The following FSIP1 variants were observed in gnomAD, a reference collection of about 807,000 sequenced individuals.
FSIP1 encodes fibrous sheath-interacting protein 1.
Under a neutral mutation model 60.9 loss-of-function variants are expected in FSIP1, and 65 were observed. The observed-to-expected ratio is 1.07, with a 90% CI of 0.87 to 1.31. The LOEUF (loss-of-function observed/expected upper bound fraction) is 1.31, where lower values mean the gene tolerates loss of function less well. Ranked by LOEUF, FSIP1 falls within the 40% of genes most tolerant of loss-of-function variation. FSIP1 has a pLI of 0.00. For synonymous variants in FSIP1, 209 were observed against 221.2 expected (o/e 0.94, Z 0.49); for missense variants, 675 against 665.5 (o/e 1.01, Z -0.16).
At chr15:39,739,556 A>T in intron 7 of FSIP1, 109 bp downstream of exon 7, 1 of 1,008,770 alleles carries the variant, frequency 9.9e-7, no homozygotes, top group African/African-American at 1.7e-5. Context: ...TCAATCATTT[A>T]TACATTTATG....
Position 39,618,275 on chromosome 15 carries a change from T to A in FSIP1, c.1189-30A>T, listed in dbSNP as rs773111971. On this transcript the variant is annotated intron_variant, in intron 10 of 11. Transcript: ENST00000350221. Reference sequence around the variant, plus strand: ...TGAAACAAACCAAAAGATTACATAGTCAGTTGACTGAGTAAACACATTTAT... The same window carrying A: ...TGAAACAAACCAAAAGATTACATAGACAGTTGACTGAGTAAACACATTTAT... The A allele has an allele frequency of 4.3e-5, 67 of 1,554,614 alleles. 1 individual carries two copies. In the South Asian group the frequency reaches 7.8e-4, roughly 18 times the overall value.
intron 11 of FSIP1, among the ~76,000 whole-genome samples, chr15:39,605,359 C>T (rs920851906): frequency 6.6e-6 from 1 of 152,166 alleles, no homozygotes; most frequent in African/African-American, 2.4e-5. Flanking sequence ...CCCAGATGAT[C>T]TTGATACTCA....
At chr15:39,706,069 T>C (rs1229928440) in intron 10 of FSIP1, among the ~76,000 whole-genome samples, 5 of 152,096 alleles carry the variant, frequency 3.3e-5, no homozygotes, top group African/African-American at 1.2e-4. Context: ...ATTTTTATCA[T>C]CCTACCATAG....
At chr15:39,750,434 A>G (rs1481558469) in intron 5 of FSIP1, among the ~76,000 whole-genome samples, 1 of 152,054 alleles carries the variant, frequency 6.6e-6, no homozygotes, top group African/African-American at 2.4e-5. Flanking sequence ...TGGCATAAAA[A>G]CAGACACACA....
At chr15:39,745,152 A>G (rs1896952858) in intron 5 of FSIP1, among the ~76,000 whole-genome samples, 1 of 132,980 alleles carries the variant, frequency 7.5e-6, no homozygotes, top group Non-Finnish European at 1.6e-5. Context: ...TCCCGAACCC[A>G]GACACCATCC....
chr15:39,734,845 A>G (rs1896547808), intron 8 of FSIP1, among the ~76,000 whole-genome samples: 1 of 152,198 alleles, frequency 6.6e-6, no homozygotes, highest in African/African-American at 2.4e-5. Context: ...ACAATTAAAG[A>G]TAAAGACACA....
intron 11 of FSIP1, among the ~76,000 whole-genome samples, chr15:39,606,555 T>C (rs867190071): frequency 8.5e-5 from 13 of 152,196 alleles, no homozygotes; most frequent in Admixed American, 4.6e-4. Flanking sequence ...TTAGAACTTA[T>C]TCCTCCTATA....
chr15:39,674,786 A>AT (rs202200388), intron 10 of FSIP1, among the ~76,000 whole-genome samples: 2 of 98,560 alleles, frequency 2.0e-5, no homozygotes, highest in African/African-American at 5.4e-5. Flanking sequence ...ATAAAAAAGT[A>AT]TTTTTTAAAG....
chr15:39,697,039 A>G (rs992904944), intron 10 of FSIP1, among the ~76,000 whole-genome samples: 4 of 152,032 alleles, frequency 2.6e-5, no homozygotes, highest in African/African-American at 9.7e-5. Flanking sequence ...TTTCTTCTTT[A>G]TATTTTTCTA....
chr15:39,649,819 AC>A (rs1306970252), intron 10 of FSIP1, among the ~76,000 whole-genome samples: 1 of 152,144 alleles, frequency 6.6e-6, no homozygotes, highest in Non-Finnish European at 1.5e-5. Flanking sequence ...ACGTTCCCCA[AC>A]CTTTTCATTC....
At chr15:39,773,775 T>C (rs141664728) in intron 2 of FSIP1, among the ~76,000 whole-genome samples, 181 of 152,332 alleles carry the variant, frequency 1.2e-3, no homozygotes, top group African/African-American at 4.3e-3. Flanking sequence ...AGCTACATAC[T>C]GTATGATTCC....
chr15:39,653,672 A>G (rs909317894), intron 10 of FSIP1, among the ~76,000 whole-genome samples: 1 of 152,162 alleles, frequency 6.6e-6, no homozygotes, highest in African/African-American at 2.4e-5. Flanking sequence ...TGATGTTCTC[A>G]TAACAGCGAA....
chr15:39,674,055 ATTT>A, intron 10 of FSIP1, among the ~76,000 whole-genome samples: 1 of 144,492 alleles, frequency 6.9e-6, no homozygotes, highest in African/African-American at 2.5e-5. Flanking sequence ...ACCCGATTTA[ATTT>A]TTTTTTTTTT....
intron 9 of FSIP1, among the ~76,000 whole-genome samples, chr15:39,714,164 C>A (rs1895645312): frequency 6.6e-6 from 1 of 152,126 alleles, no homozygotes; most frequent in African/African-American, 2.4e-5. Flanking sequence ...ATGTAGTAGG[C>A]AAGCAACAAA....
At chr15:39,665,448 ACTTTT>A (rs1157429453) in intron 10 of FSIP1, among the ~76,000 whole-genome samples, 2 of 152,228 alleles carry the variant, frequency 1.3e-5, no homozygotes, top group African/African-American at 2.4e-5. Context: ...ACAAAATATT[ACTTTT>A]CTTTACTTGC....
At position 39,676,034 on chromosome 15, in the gene FSIP1, G is replaced by A. The variant is rs189545428; in HGVS notation, c.1188+37410C>T. 9.9e-5 allele frequency among the ~76,000 whole-genome samples: 15 copies of A among 151,722 alleles called. No individual in the cohort carries two copies. The East Asian group carries it at 1.4e-3, about 14-fold the overall frequency. ...CAAAAAAAAAAAAAAATAGCCGTGCGTGGCAGTGTGTGCCTGTAGTTCCAG... is the reference window on the plus strand; with the variant it reads ...CAAAAAAAAAAAAAAATAGCCGTGCATGGCAGTGTGTGCCTGTAGTTCCAG... On this transcript the variant is annotated intron_variant, in intron 10 of 11. Coordinates refer to ENST00000350221, the MANE Select transcript of FSIP1 (RefSeq NM_152597.5).
intron 10 of FSIP1, among the ~76,000 whole-genome samples, chr15:39,669,878 G>A (rs1008114917): frequency 4.6e-5 from 7 of 152,174 alleles, no homozygotes; most frequent in Non-Finnish European, 8.8e-5. Flanking sequence ...ACCAACAAGG[G>A]ATATTAGGCC....
At chr15:39,641,668 T>C (rs1235718481) in intron 10 of FSIP1, among the ~76,000 whole-genome samples, 1 of 147,478 alleles carries the variant, frequency 6.8e-6, no homozygotes, top group South Asian at 2.2e-4. Context: ...TTGCATGAAC[T>C]ATGAGTCATA....
downstream of FSIP1, chr15:39,599,582 A>G (rs1286923828): frequency 6.7e-6 from 1 of 148,624 alleles, no homozygotes; most frequent in Non-Finnish European, 1.5e-5. Context: ...ACAAACATCA[A>G]ATACCAGAAA....
Sources: gnomAD v4.1 joint callset for allele counts (sites outside exome capture counted in the v4.1 genomes callset) on GRCh38, gnomAD v4.1.1 for gene constraint, MANE v1.5 for transcripts, NCBI Gene and HGNC (gene_info 2026-07-23, HGNC 2026-07-21) for gene names.